ARHGEF4: variants seen among roughly 807,000 people sequenced by gnomAD.
ARHGEF4 encodes the protein Rho guanine nucleotide exchange factor 4, also known as APC-stimulated guanine nucleotide exchange factor 1.
Under a neutral mutation model 162.0 loss-of-function variants are expected in ARHGEF4, and 119 were observed. That is an observed-to-expected ratio of 0.73 (90% CI 0.63 to 0.86). The LOEUF is 0.86. Ranked by LOEUF, ARHGEF4 falls within the 40% of genes least tolerant of loss-of-function variation. The pLI is 0.00. For missense variants in ARHGEF4, 2,488 were observed against 2,456.0 expected, an observed-to-expected ratio of 1.01 and a Z score of -0.28; for synonymous variants, 1,014 against 979.9, an observed-to-expected ratio of 1.03 and a Z score of -0.65.
At position 131,043,602 on chromosome 2, in the gene ARHGEF4, CCTGCT is replaced by C; in HGVS notation, c.5157+20_5157+24del. ...TAAGAAGGTACCAGAGCTGCTCTGC[CCTGCT>C]GCCCCAAGTTGAGCAAGTGGAGGGA... is the stretch of plus-strand genomic sequence containing the variant. On this transcript the variant is annotated intron_variant, in intron 11 of 13. Coordinates refer to ENST00000409359, the MANE Select transcript of ARHGEF4 (RefSeq NM_001367493.1). 6.2e-7 allele frequency: 1 copy of C among 1,613,638 alleles called. No individual in the cohort carries two copies. The highest frequency in any genetic ancestry group is 8.5e-7 in the Non-Finnish European group (1 of 1,179,818).
At chr2:130,931,296 G>T in intron 3 of ARHGEF4, 39 bp downstream of exon 3, 1 of 1,538,158 alleles carries the variant, frequency 6.5e-7, no homozygotes, top group Non-Finnish European at 8.8e-7. Context: ...GACTTGGTCT[G>T]GTATCCCCTT....
intron 3 of ARHGEF4, among the ~76,000 whole-genome samples, chr2:130,937,000 T>TA (rs1682994826): frequency 7.1e-6 from 1 of 141,546 alleles, no homozygotes. Context: ...CACCACCTCC[T>TA]AAGTTCAAGC....
At chr2:131,033,566 G>T (rs1690014603) in intron 5 of ARHGEF4, among the ~76,000 whole-genome samples, 1 of 152,202 alleles carries the variant, frequency 6.6e-6, no homozygotes, top group Non-Finnish European at 1.5e-5. Context: ...GCACAATGAA[G>T]CATCCACACG....
chr2:130,839,175 A>G (rs763997750), intron 1 of ARHGEF4, among the ~76,000 whole-genome samples: 6 of 152,118 alleles, frequency 3.9e-5, no homozygotes, highest in Non-Finnish European at 8.8e-5. Flanking sequence ...CGAGCCACCG[A>G]CAACGTAGTT....
intron 4 of ARHGEF4, chr2:130,964,292 C>G (rs1684841085): frequency 1.0e-6 from 1 of 982,922 alleles, no homozygotes; most frequent in African/African-American, 1.7e-5. Context: ...CCCTCCGCGC[C>G]CGGGTCTGTG....
In ARHGEF4 at chr2:130,946,602, C is replaced by G; in HGVS notation, c.3952C>G (p.His1318Asp). The change falls in exon 4 of 14, where the codon CAC becomes GAC. Residue 1318 changes from histidine to aspartate, a missense_variant. By Grantham distance (81) the His-to-Asp change is moderately conservative. Transcript: ENST00000409359. ...CCAGAGTGCTCCAACGGGACTGAAC[C>G]ACATGGGCTGGCCAGAGCACACACC... is the stretch of plus-strand genomic sequence containing the variant. ...LSQSAPTGLN[H>D]MGWPEHTPGT... 6.2e-7 allele frequency: 1 copy of G among 1,614,082 alleles called. No individual in the cohort carries two copies. The highest frequency in any genetic ancestry group is 1.1e-5 in the South Asian group (1 of 91,074).
intron 5 of ARHGEF4, among the ~76,000 whole-genome samples, chr2:131,036,596 C>T (rs1219693094): frequency 1.3e-5 from 2 of 152,202 alleles, no homozygotes; most frequent in Non-Finnish European, 2.9e-5. Context: ...TATGCCGGAC[C>T]CAGTCCCACC....
chr2:130,989,080 G>A (rs1345091217), intron 4 of ARHGEF4, among the ~76,000 whole-genome samples: 3 of 151,868 alleles, frequency 2.0e-5, no homozygotes, highest in East Asian at 1.9e-4. Flanking sequence ...TCCTGCCTTA[G>A]CCTCCTGAGT....
At chr2:130,890,432 G>A (rs375606747) in intron 1 of ARHGEF4, among the ~76,000 whole-genome samples, 14 of 151,994 alleles carry the variant, frequency 9.2e-5, no homozygotes, top group African/African-American at 3.4e-4. Flanking sequence ...TGTGGTGGCG[G>A]GTGCCTGTAG....
intron 1 of ARHGEF4, among the ~76,000 whole-genome samples, chr2:130,879,043 T>A (rs1439045745): frequency 6.6e-6 from 1 of 152,254 alleles, no homozygotes; most frequent in East Asian, 1.9e-4. Flanking sequence ...CAGAGGCATG[T>A]TGGAGCACCA....
At chr2:130,898,793 GC>G (rs941512131) in intron 1 of ARHGEF4, among the ~76,000 whole-genome samples, 51 of 152,094 alleles carry the variant, frequency 3.4e-4, no homozygotes, top group African/African-American at 1.2e-3. Flanking sequence ...GGAAAGGAAG[GC>G]CCTGCAGCTC....
intron 4 of ARHGEF4, among the ~76,000 whole-genome samples, chr2:130,968,832 T>C (rs182740002): frequency 0.012 from 1,827 of 152,096 alleles, 20 homozygotes; most frequent in South Asian, 0.023. Context: ...GCAGGAGAAT[T>C]GTTTGAACCC....
rs188724672 is a variant in ARHGEF4, at chr2:131,005,223, G to T, written c.3986-22722G>T. ...AGTGGGCTGATATCTGTCACGCTCT[G>T]GGGGCAGAGCTGACTTGACTGTGTC... On this transcript the variant is annotated intron_variant, in intron 4 of 13. Coordinates refer to ENST00000409359, the MANE Select transcript of ARHGEF4 (RefSeq NM_001367493.1). 2.6e-5 allele frequency among the ~76,000 whole-genome samples: 4 copies of T among 152,328 alleles called. No individual in the cohort carries two copies. The East Asian group carries it at 7.7e-4, about 29-fold the overall frequency.
intron 1 of ARHGEF4, among the ~76,000 whole-genome samples, chr2:130,871,237 A>G (rs909477469): frequency 1.3e-5 from 2 of 152,338 alleles, no homozygotes; most frequent in Non-Finnish European, 2.9e-5. Flanking sequence ...TCATTAATAT[A>G]CAAAGGCTTT....
intron 4 of ARHGEF4, among the ~76,000 whole-genome samples, chr2:131,002,709 CAAAAAAAAAAAAAAAA>C (rs66979991): frequency 3.8e-5 from 2 of 53,244 alleles, no homozygotes; most frequent in Non-Finnish European, 3.1e-5. Context: ...GACTCCGTCT[CAAAAAAAAAAAAAAAA>C]AAAAAAAAAA....
At chr2:131,011,587 T>C in intron 4 of ARHGEF4, 4 of 1,509,126 alleles carry the variant, frequency 2.7e-6, no homozygotes, top group East Asian at 4.9e-5. Context: ...CAGCATTTCA[T>C]GCTATTAATC....
chr2:130,905,262 G>A (rs1452348256), intron 1 of ARHGEF4, among the ~76,000 whole-genome samples: 1 of 151,794 alleles, frequency 6.6e-6, no homozygotes, highest in Non-Finnish European at 1.5e-5. Context: ...TGTGTATATA[G>A]CTTAATTTGC....
intron 3 of ARHGEF4, among the ~76,000 whole-genome samples, chr2:130,946,168 C>T (rs998845224): frequency 1.3e-5 from 2 of 152,180 alleles, no homozygotes; most frequent in African/African-American, 4.8e-5. Context: ...AAGACTATGC[C>T]TTAGCTAAAA....
intron 1 of ARHGEF4, among the ~76,000 whole-genome samples, chr2:130,839,259 G>T (rs369004657): frequency 6.6e-5 from 10 of 152,174 alleles, no homozygotes; most frequent in African/African-American, 2.4e-4. Context: ...GGGCAGAGGA[G>T]CTACGTGCTT....
Sources: gnomAD v4.1 joint callset for allele counts (sites outside exome capture counted in the v4.1 genomes callset) on GRCh38, gnomAD v4.1.1 for gene constraint, MANE v1.5 for transcripts, NCBI Gene and HGNC (gene_info 2026-07-23, HGNC 2026-07-21) for gene names.